The following ADTRP variants were observed in gnomAD, a reference collection of about 807,000 sequenced individuals.
ADTRP encodes androgen-dependent TFPI-regulating protein.
A neutral mutation model predicts 27.0 loss-of-function variants in ADTRP; 20 were observed. The ratio of observed to expected loss-of-function variants is 0.74; its 90% CI spans 0.52 to 1.08. The LOEUF (loss-of-function observed/expected upper bound fraction) is 1.08. Ranked by LOEUF, ADTRP falls within the 50% of genes least tolerant of loss-of-function variation. ADTRP has a pLI of 0.00. For missense variants in ADTRP, 251 were observed against 275.0 expected (o/e 0.91, Z 0.62); for synonymous variants, 101 against 105.2 (o/e 0.96, Z 0.25).
chr6:11,766,244 C>T lies in ADTRP; in HGVS notation c.390+30G>A, dbSNP rs1234481519. On this transcript the variant is annotated intron_variant, in intron 3 of 5. Coordinates refer to ENST00000414691, the MANE Select transcript of ADTRP (RefSeq NM_032744.4). ...TTTCAGTACAGAGGCTATTGGTGTTCTGAGTTCACTGAATTTTCCCCTCAC... is the reference window on the plus strand; with the variant it reads ...TTTCAGTACAGAGGCTATTGGTGTTTTGAGTTCACTGAATTTTCCCCTCAC... The T allele has an allele frequency of 3.2e-6, 5 of 1,538,710 alleles. No individual in the cohort carries two copies. The East Asian group carries it at 9.0e-5, about 28-fold the overall frequency.
rs769195020 is a variant in ADTRP at position 11,720,970 on chromosome 6, AT to A, written c.658+2378del. Among the ~76,000 whole-genome samples the A allele has an allele frequency of 3.7e-4, 57 of 152,332 alleles. 1 individual carries two copies. Among genetic ancestry groups the A allele is most frequent in the Non-Finnish European group, 7.5e-4 (51 of 68,028 alleles). ...ACTGATTGAGGCAACGAGAAAGCTA[AT>A]GGAAATAGTGGATCTTGAGATGAAC... On this transcript the variant is annotated intron_variant, in intron 5 of 5. Coordinates refer to ENST00000414691, the MANE Select transcript of ADTRP (RefSeq NM_032744.4).
Position 11,758,003 on chromosome 6 carries a change from C to G in ADTRP, c.390+8271G>C, listed in dbSNP as rs118175385. Among the ~76,000 whole-genome samples the G allele has an allele frequency of 6.0e-3, 914 of 152,296 alleles. 25 individuals carry two copies. Among genetic ancestry groups the G allele is most frequent in the Admixed American group, 0.043 (662 of 15,290 alleles). ...TGCCTTGGGCTCAGACATTTCTCTC[C>G]TTCGGCTCAATATTCCTCATACTTG... On this transcript the variant is annotated intron_variant, in intron 3 of 5. Transcript: ENST00000414691.
intron 5 of ADTRP, 135 bp from the exon 6 acceptor site, chr6:11,714,647 G>T: frequency 2.1e-6 from 2 of 971,970 alleles, no homozygotes; most frequent in Non-Finnish European, 3.1e-6. Flanking sequence ...ACAAGATGCA[G>T]TTTAAGGAGT....
intron 4 of ADTRP, among the ~76,000 whole-genome samples, chr6:11,730,915 A>G (rs1371020247): frequency 1.3e-5 from 2 of 152,220 alleles, no homozygotes; most frequent in Non-Finnish European, 2.9e-5. Flanking sequence ...GGCGAGTAAC[A>G]TTGTTAATTC....
chr6:11,714,641 G>C (rs1761754719), intron 5 of ADTRP, 129 bp from the exon 6 acceptor site: 3 of 1,058,030 alleles, frequency 2.8e-6, no homozygotes, highest in East Asian at 5.0e-5. Context: ...AAGGTGACAA[G>C]ATGCAGTTTA....
chr6:11,716,719 C>CTTTTT (rs1554110530), intron 5 of ADTRP, among the ~76,000 whole-genome samples: 1 of 125,436 alleles, frequency 8.0e-6, no homozygotes, highest in Non-Finnish European at 1.6e-5. Flanking sequence ...TTTTCTTTTT[C>CTTTTT]TTTTTTTTTT....
At chr6:11,727,454 G>T (rs1443812769) in intron 4 of ADTRP, among the ~76,000 whole-genome samples, 1 of 152,174 alleles carries the variant, frequency 6.6e-6, no homozygotes, top group Non-Finnish European at 1.5e-5. Flanking sequence ...AGTAGATAGG[G>T]CTAGGAGTTT....
At chr6:11,750,297 A>G (rs1372805702) in intron 3 of ADTRP, among the ~76,000 whole-genome samples, 3 of 152,334 alleles carry the variant, frequency 2.0e-5, no homozygotes, top group Non-Finnish European at 4.4e-5. Flanking sequence ...GAAAATCCCA[A>G]TTAACAAATA....
chr6:11,718,211 A>G (rs1761894658), intron 5 of ADTRP, among the ~76,000 whole-genome samples: 1 of 152,228 alleles, frequency 6.6e-6, no homozygotes, highest in Non-Finnish European at 1.5e-5. Context: ...AGGGGCCCTG[A>G]CAAAGGACAG....
At chr6:11,745,929 T>C (rs1462175806) in intron 3 of ADTRP, among the ~76,000 whole-genome samples, 5 of 152,156 alleles carry the variant, frequency 3.3e-5, no homozygotes, top group Non-Finnish European at 5.9e-5. Flanking sequence ...TAGCTGGGAT[T>C]ACAGGCGTGT....
At chr6:11,764,023 C>A (rs1280096380) in intron 3 of ADTRP, among the ~76,000 whole-genome samples, 1 of 152,224 alleles carries the variant, frequency 6.6e-6, no homozygotes, top group African/African-American at 2.4e-5. Flanking sequence ...CCTCTTCTCT[C>A]CTTGTCACCA....
intron 4 of ADTRP, among the ~76,000 whole-genome samples, chr6:11,732,398 G>T (rs1446719555): frequency 6.6e-6 from 1 of 152,132 alleles, no homozygotes; most frequent in Non-Finnish European, 1.5e-5. Context: ...CTGACAGTGG[G>T]CCCATAGCCA....
At chr6:11,772,191 TC>T (rs1281578246) in intron 1 of ADTRP, among the ~76,000 whole-genome samples, 2 of 152,220 alleles carry the variant, frequency 1.3e-5, no homozygotes, top group Non-Finnish European at 2.9e-5. Context: ...TCCTGGTTCT[TC>T]CCTAATTCTG....
At chr6:11,765,575 G>C (rs1763545082) in intron 3 of ADTRP, among the ~76,000 whole-genome samples, 1 of 152,022 alleles carries the variant, frequency 6.6e-6, no homozygotes. Context: ...AGATACATTT[G>C]TAAGTATTGA....
intron 3 of ADTRP, among the ~76,000 whole-genome samples, chr6:11,766,060 A>G (rs1053516824): frequency 6.6e-6 from 1 of 152,188 alleles, no homozygotes; most frequent in Non-Finnish European, 1.5e-5. Flanking sequence ...GCAGACTCTC[A>G]CCTGGACATC....
At chr6:11,718,834 T>G (rs1187083902) in intron 5 of ADTRP, among the ~76,000 whole-genome samples, 1 of 152,220 alleles carries the variant, frequency 6.6e-6, no homozygotes, top group Non-Finnish European at 1.5e-5. Flanking sequence ...GTGAGCTTTT[T>G]GAGCCTCAGT....
intron 3 of ADTRP, among the ~76,000 whole-genome samples, chr6:11,757,129 G>T (rs1763236066): frequency 1.3e-5 from 2 of 152,046 alleles, no homozygotes; most frequent in African/African-American, 4.8e-5. Context: ...TCAGAATAAA[G>T]GAAAAATAAT....
intron 4 of ADTRP, among the ~76,000 whole-genome samples, chr6:11,725,999 TC>T (rs1035352481): frequency 6.6e-6 from 1 of 150,944 alleles, no homozygotes; most frequent in African/African-American, 2.4e-5. Context: ...AGGTGGAATC[TC>T]CCCAAGTGCC....
intron 4 of ADTRP, among the ~76,000 whole-genome samples, chr6:11,730,855 A>G (rs1488502728): frequency 6.6e-6 from 1 of 152,234 alleles, no homozygotes; most frequent in Non-Finnish European, 1.5e-5. Context: ...TTTCTGGTCT[A>G]CCAAGAGCAG....
Sources: gnomAD v4.1 joint callset for allele counts (sites outside exome capture counted in the v4.1 genomes callset) on GRCh38, gnomAD v4.1.1 for gene constraint, MANE v1.5 for transcripts, NCBI Gene and HGNC (gene_info 2026-07-23, HGNC 2026-07-21) for gene names.